Variants in WDR25 observed in about 807,000 individuals in gnomAD.
The protein encoded by WDR25 is WD repeat-containing protein 25.
WDR25 carries 35 observed loss-of-function variants against 47.7 expected under a neutral mutation model. The ratio of observed to expected loss-of-function variants is 0.73; its 90% CI spans 0.56 to 0.97. The LOEUF is 0.97. Among genes scored for constraint, WDR25 ranks in the 50% least tolerant of loss-of-function variants. The probability of loss-of-function intolerance (pLI) is 0.00; values close to 1 mark genes in which losing one functional copy is unlikely to be tolerated. For missense variants in WDR25, 634 were observed against 704.7 expected, an observed-to-expected ratio of 0.90 and a Z score of 1.14; for synonymous variants, 248 against 278.9, an observed-to-expected ratio of 0.89 and a Z score of 1.10.
At chr14:100,464,734 CCATCT>C (rs11275025) in intron 2 of WDR25, among the ~76,000 whole-genome samples, 6,096 of 57,250 alleles carry the variant, frequency 0.11, 518 homozygotes, top group South Asian at 0.19. Context: ...CTCCCCTACT[CCATCT>C]CATCTCATCT....
chr14:100,453,090 A>G (rs923211218), intron 2 of WDR25, among the ~76,000 whole-genome samples: 2 of 152,160 alleles, frequency 1.3e-5, no homozygotes, highest in Non-Finnish European at 2.9e-5. Flanking sequence ...GGAGGACCTC[A>G]GCACTTTGGA....
chr14:100,497,341 T>G (rs2140341596), intron 4 of WDR25, among the ~76,000 whole-genome samples: 1 of 152,330 alleles, frequency 6.6e-6, no homozygotes, highest in South Asian at 2.1e-4. Context: ...TCTCCAGCTA[T>G]AGTTGTGAAT....
Position 100,524,751 on chromosome 14 carries a change from G to A in WDR25, c.1102-1119G>A, listed in dbSNP as rs116508366. Among the ~76,000 whole-genome samples, 335 of 152,292 alleles carry A rather than the reference G, an allele frequency of 2.2e-3. 2 individuals carry two copies. Among genetic ancestry groups the A allele is most frequent in the African/African-American group, 7.9e-3 (329 of 41,558 alleles). ...TGGAGGTCGGAAGAGGCTCCACCATGCCCTGGCCCTGTGACCTTGAGCAAA... is the reference window on the plus strand; with the variant it reads ...TGGAGGTCGGAAGAGGCTCCACCATACCCTGGCCCTGTGACCTTGAGCAAA... On this transcript the variant is annotated intron_variant, in intron 4 of 6. Transcript: ENST00000402312.
chr14:100,461,294 G>A (rs982668514), intron 2 of WDR25, among the ~76,000 whole-genome samples: 3 of 152,160 alleles, frequency 2.0e-5, no homozygotes, highest in African/African-American at 7.2e-5. Context: ...AGTTTAGTAA[G>A]GTTGCAGAAT....
rs151218015 is a variant in WDR25 at position 100,381,513 on chromosome 14, G to C, written c.589G>C (p.Val197Leu). 3.7e-6 allele frequency: 6 copies of C among 1,614,064 alleles called. No individual in the cohort carries two copies. In the African/African-American group the frequency reaches 5.3e-5, roughly 14 times the overall value. Reference sequence around the variant, plus strand: ...CACGGAGACAGGCAAGGGTAAAGACGTGGAGCCACAGGGGCCCCCTGCAGG... The same window carrying C: ...CACGGAGACAGGCAAGGGTAAAGACCTGGAGCCACAGGGGCCCCCTGCAGG... ...LSTETGKGKD[V>L]EPQGPPAGRA... The change falls in exon 2 of 7, where the codon GTG becomes CTG. Residue 197 changes from valine (V) to leucine (L), a missense_variant. Coordinates refer to ENST00000402312, the MANE Select transcript of WDR25 (RefSeq NM_001161476.3).
chr14:100,483,579 C>T (rs906137832), intron 3 of WDR25, among the ~76,000 whole-genome samples: 2 of 152,196 alleles, frequency 1.3e-5, no homozygotes, highest in African/African-American at 4.8e-5. Context: ...TTTTTAGACT[C>T]CCAGATAAAT....
intron 3 of WDR25, among the ~76,000 whole-genome samples, chr14:100,477,345 A>G (rs113736702): frequency 2.9e-4 from 44 of 152,266 alleles, no homozygotes; most frequent in African/African-American, 8.9e-4. Context: ...CCTAGCTCCA[A>G]GAAGATCCAA....
rs771039905 is a variant in WDR25, at chr14:100,381,244, T to C, written c.320T>C (p.Phe107Ser). 55 of 1,613,370 alleles carry C rather than the reference T, an allele frequency of 3.4e-5. No homozygotes were observed. Among genetic ancestry groups the C allele is most frequent in the Non-Finnish European group, 1.4e-5 (17 of 1,179,880 alleles). The part of the protein sequence containing the change: ...QWPGKEPQVT[F>S]PIKEPSCSSL... Reference sequence around the variant, plus strand: ...CCCGGGAAGGAGCCTCAAGTCACCTTCCCCATCAAAGAGCCTTCTTGTTCT... The same window carrying C: ...CCCGGGAAGGAGCCTCAAGTCACCTCCCCCATCAAAGAGCCTTCTTGTTCT... Residue 107 changes from phenylalanine (F) to serine (S), a missense_variant, in exon 2 of 7, where the codon TTC becomes TCC. Phe to Ser is a radical substitution (Grantham distance 155, BLOSUM62 -2). Coordinates refer to ENST00000402312, the MANE Select transcript of WDR25 (RefSeq NM_001161476.3).
At chr14:100,482,038 T>C (rs557536492) in intron 3 of WDR25, among the ~76,000 whole-genome samples, 10 of 151,728 alleles carry the variant, frequency 6.6e-5, no homozygotes, top group African/African-American at 1.9e-4. Flanking sequence ...CAAATTGAAA[T>C]GTCTGCACGA....
intron 2 of WDR25, among the ~76,000 whole-genome samples, chr14:100,459,923 T>C (rs866279962): frequency 3.9e-5 from 4 of 102,116 alleles, no homozygotes; most frequent in African/African-American, 1.3e-4. Flanking sequence ...TATATATATA[T>C]ATATATATAT....
rs1238611089 is a variant in WDR25, at chr14:100,430,040, A to G, written c.823-37981A>G. ...ACACCCCTAGTATGCTGCCTGACAC[A>G]TGGCAAGTGCTCAATGAATGTTTGT... On this transcript the variant is annotated intron_variant, in intron 2 of 6. Coordinates refer to ENST00000402312, the MANE Select transcript of WDR25 (RefSeq NM_001161476.3). This position sits in a 1 kb window ranked among gnomAD's most constrained non-coding sequence, Gnocchi z 4.7. Among the ~76,000 whole-genome samples the G allele has an allele frequency of 2.6e-5, 4 of 152,124 alleles. No homozygotes were observed. The highest frequency in any genetic ancestry group is 4.8e-5 in the African/African-American group (2 of 41,414).
intron 4 of WDR25, among the ~76,000 whole-genome samples, chr14:100,513,256 G>GCAC (rs1901369397): frequency 6.6e-6 from 1 of 152,130 alleles, no homozygotes; most frequent in Non-Finnish European, 1.5e-5. Flanking sequence ...GCACATAAGG[G>GCAC]GTAGATTACG....
chr14:100,523,613 C>T lies in WDR25; in HGVS notation c.1102-2257C>T, dbSNP rs912860128. On this transcript the variant is annotated intron_variant, in intron 4 of 6. Transcript: ENST00000402312. The surrounding 1 kb of genome is among the most constrained non-coding windows in gnomAD (Gnocchi z 4.7). ...GGAGCCCAGTGACCACCCCCAACCC[C>T]GTGCACTCTGGAAGTGGCAGGAACC... is the stretch of plus-strand genomic sequence containing the variant. Among the ~76,000 whole-genome samples the T allele has an allele frequency of 4.6e-5, 7 of 152,136 alleles. No homozygotes were observed. The highest frequency in any genetic ancestry group is 9.7e-5 in the African/African-American group (4 of 41,420).
chr14:100,422,575 G>C (rs1385660535), intron 2 of WDR25, among the ~76,000 whole-genome samples: 1 of 152,084 alleles, frequency 6.6e-6, no homozygotes, highest in East Asian at 1.9e-4. Context: ...AAGCTTCTGG[G>C]GCTGGGACCC....
intron 2 of WDR25, among the ~76,000 whole-genome samples, chr14:100,413,869 C>T (rs1036185177): frequency 2.0e-5 from 3 of 152,226 alleles, no homozygotes; most frequent in East Asian, 1.9e-4. Context: ...GATTCATCCA[C>T]GTTCAGCCAT....
At chr14:100,477,588 G>T (rs2140310176) in intron 3 of WDR25, among the ~76,000 whole-genome samples, 2 of 151,866 alleles carry the variant, frequency 1.3e-5, no homozygotes, top group Middle Eastern at 6.8e-3. Context: ...TTTATGAAAA[G>T]GTAGAGAGGA....
intron 4 of WDR25, among the ~76,000 whole-genome samples, chr14:100,522,857 A>C (rs2029925732): frequency 6.6e-6 from 1 of 152,124 alleles, no homozygotes; most frequent in African/African-American, 2.4e-5. Flanking sequence ...GAGAGGCCCC[A>C]CCCACCTCTG....
chr14:100,394,715 GA>G (rs1897218729), intron 2 of WDR25, among the ~76,000 whole-genome samples: 1 of 152,210 alleles, frequency 6.6e-6, no homozygotes, highest in South Asian at 2.1e-4. Context: ...GCTGGAGGCA[GA>G]GGACAAGAAA....
intron 2 of WDR25, among the ~76,000 whole-genome samples, chr14:100,423,972 G>T (rs1898098333): frequency 6.6e-6 from 1 of 152,238 alleles, no homozygotes; most frequent in Non-Finnish European, 1.5e-5. Context: ...GGAGTCTCAG[G>T]TGGCACAGCT....
Sources: gnomAD v4.1 joint callset for allele counts (sites outside exome capture counted in the v4.1 genomes callset) on GRCh38, gnomAD v4.1.1 for gene constraint, Gnocchi (gnomAD v3.1) non-coding constraint, MANE v1.5 for transcripts, NCBI Gene and HGNC (gene_info 2026-07-23, HGNC 2026-07-21) for gene names.